The following FSTL4 variants were observed in gnomAD, a reference collection of about 807,000 sequenced individuals.
FSTL4 encodes follistatin like 4, also known as follistatin-related protein 4.
FSTL4 carries 28 observed loss-of-function variants against 78.2 expected under a neutral mutation model. That is an observed-to-expected ratio of 0.36 (90% CI 0.27 to 0.49). The LOEUF (loss-of-function observed/expected upper bound fraction) is 0.49. Among genes scored for constraint, FSTL4 ranks in the 20% least tolerant of loss-of-function variants. The pLI, the probability that FSTL4 is intolerant of heterozygous loss-of-function variation, is 0.98. For synonymous variants in FSTL4, 422 were observed against 440.5 expected (o/e 0.96, Z 0.53); for missense variants, 922 against 1,084.9 (o/e 0.85, Z 2.11).
chr5:133,289,756 G>T (rs1303748199), intron 6 of FSTL4, among the ~76,000 whole-genome samples: 3 of 152,196 alleles, frequency 2.0e-5, no homozygotes, highest in African/African-American at 4.8e-5. Flanking sequence ...CCAGCACCAA[G>T]CCCTTAACTG....
At chr5:133,775,577 G>T in the FSTL4 span, among the ~76,000 whole-genome samples, 2 of 152,158 alleles carry the variant, frequency 1.3e-5, no homozygotes, top group Non-Finnish European at 2.9e-5. Flanking sequence ...CATAAAATTG[G>T]AAGTACATAG....
chr5:133,829,235 C>CA, the FSTL4 span, among the ~76,000 whole-genome samples: 12 of 151,986 alleles, frequency 7.9e-5, no homozygotes, highest in African/African-American at 1.9e-4. Context: ...ACTAAAAATA[C>CA]AAAAAAATAA....
chr5:133,674,545 C>T, the FSTL4 span, among the ~76,000 whole-genome samples: 1 of 151,948 alleles, frequency 6.6e-6, no homozygotes, highest in Admixed American at 6.6e-5. Context: ...CTTGAGAAAT[C>T]CCGTAGAGAA....
At chr5:133,442,890 C>T (rs1005209029) in intron 3 of FSTL4, among the ~76,000 whole-genome samples, 1 of 152,222 alleles carries the variant, frequency 6.6e-6, no homozygotes, top group Non-Finnish European at 1.5e-5. Flanking sequence ...CAAGTACACA[C>T]ACCATACCTT....
chr5:133,265,316 C>CAGCG, intron 6 of FSTL4, among the ~76,000 whole-genome samples: 1 of 152,358 alleles, frequency 6.6e-6, no homozygotes, highest in South Asian at 2.1e-4. Context: ...CGTCGCTGGC[C>CAGCG]ACCAGGGAGG....
At chr5:133,826,732 G>T in the FSTL4 span, among the ~76,000 whole-genome samples, 12 of 152,306 alleles carry the variant, frequency 7.9e-5, no homozygotes, top group Admixed American at 2.6e-4. Context: ...CACACACACT[G>T]GGCTCAGGGA....
At chr5:133,638,019 C>G in the FSTL4 span, among the ~76,000 whole-genome samples, 58,077 of 151,778 alleles carry the variant, frequency 0.38, 11,719 homozygotes, top group Admixed American at 0.45. Context: ...TGATCTTACT[C>G]TCTGCAAAAC....
intron 3 of FSTL4, among the ~76,000 whole-genome samples, chr5:133,460,102 G>A (rs1757563654): frequency 6.6e-6 from 1 of 152,144 alleles, no homozygotes; most frequent in African/African-American, 2.4e-5. Flanking sequence ...TCCTCTAGAG[G>A]GTATTTAAGC....
chr5:133,537,376 A>T (rs899989865), intron 3 of FSTL4, among the ~76,000 whole-genome samples: 10 of 152,138 alleles, frequency 6.6e-5, no homozygotes, highest in African/African-American at 2.4e-4. Context: ...TAGTGGTATC[A>T]ATTTTAAATT....
At chr5:133,336,295 A>G (rs1487721080) in intron 4 of FSTL4, among the ~76,000 whole-genome samples, 2 of 152,182 alleles carry the variant, frequency 1.3e-5, no homozygotes, top group African/African-American at 4.8e-5. Context: ...CTCAACAAAC[A>G]AGCACTGACC....
At chr5:133,471,957 G>A (rs1757835107) in intron 3 of FSTL4, among the ~76,000 whole-genome samples, 1 of 152,126 alleles carries the variant, frequency 6.6e-6, no homozygotes, top group Non-Finnish European at 1.5e-5. Flanking sequence ...CCTCTGGGCT[G>A]GATCAGTTAA....
the FSTL4 span, among the ~76,000 whole-genome samples, chr5:133,626,485 G>A: frequency 5.1e-4 from 76 of 149,368 alleles, 1 homozygote; most frequent in East Asian, 0.014. Context: ...TTACAGGTGC[G>A]AACCACCGCA....
At chr5:133,396,846 C>A (rs527746067) in intron 4 of FSTL4, among the ~76,000 whole-genome samples, 2 of 152,080 alleles carry the variant, frequency 1.3e-5, no homozygotes, top group South Asian at 4.2e-4. Context: ...TCTTAGTGAG[C>A]CTGTAGTATG....
chr5:133,245,859 C>T (rs1374808869), intron 7 of FSTL4, among the ~76,000 whole-genome samples: 1 of 152,136 alleles, frequency 6.6e-6, no homozygotes, highest in Non-Finnish European at 1.5e-5. Context: ...TTCTGATGCT[C>T]AGGGCATGCT....
chr5:133,601,603 G>A (rs746336748), intron 2 of FSTL4, among the ~76,000 whole-genome samples: 6 of 152,186 alleles, frequency 3.9e-5, no homozygotes, highest in Non-Finnish European at 7.3e-5. Flanking sequence ...GTGTGAGCAA[G>A]GGCTGCAAAC....
chr5:133,243,143 C>T (rs994346413), intron 7 of FSTL4, among the ~76,000 whole-genome samples: 3 of 152,036 alleles, frequency 2.0e-5, no homozygotes, highest in Non-Finnish European at 4.4e-5. Context: ...CAAACACTGC[C>T]ACAAATACTT....
chr5:133,727,911 C>A, the FSTL4 span, among the ~76,000 whole-genome samples: 10 of 152,102 alleles, frequency 6.6e-5, no homozygotes, highest in Non-Finnish European at 8.8e-5. Context: ...GTCTTGAAGC[C>A]CCACTAGGAA....
At chr5:133,269,207 A>G (rs557510944) in intron 6 of FSTL4, among the ~76,000 whole-genome samples, 8 of 150,824 alleles carry the variant, frequency 5.3e-5, no homozygotes, top group Admixed American at 4.0e-4. Context: ...AAAAAAAAAG[A>G]AAGAGCCAGG....
chr5:133,377,912 G>A (rs992717831), intron 4 of FSTL4, among the ~76,000 whole-genome samples: 5 of 151,306 alleles, frequency 3.3e-5, no homozygotes, highest in African/African-American at 9.7e-5. Context: ...TTTTTTACTC[G>A]TGTACAAAGG....
Sources: allele counts gnomAD v4.1 joint callset (sites outside exome capture counted in the v4.1 genomes callset), GRCh38; gene constraint gnomAD v4.1.1; transcripts MANE v1.5; gene names NCBI Gene and HGNC (gene_info 2026-07-23, HGNC 2026-07-21).